ADGRL4: variants seen among roughly 807,000 people sequenced by gnomAD.
ADGRL4 encodes the protein EGF, latrophilin and seven transmembrane domain containing 1.
Under a neutral mutation model 74.8 loss-of-function variants are expected in ADGRL4, and 90 were observed. The ratio of observed to expected loss-of-function variants is 1.20; its 90% CI spans 1.02 to 1.43. The LOEUF (loss-of-function observed/expected upper bound fraction) is 1.43. ADGRL4 is among the 40% of genes most tolerant of loss of function. The pLI is 0.00. For missense variants in ADGRL4, 881 were observed against 814.3 expected, an observed-to-expected ratio of 1.08 and a Z score of -1.00; for synonymous variants, 311 against 279.2, an observed-to-expected ratio of 1.11 and a Z score of -1.14.
At chr1:78,987,080 T>C (rs1650513776) in intron 2 of ADGRL4, among the ~76,000 whole-genome samples, 1 of 151,812 alleles carries the variant, frequency 6.6e-6, no homozygotes, top group Non-Finnish European at 1.5e-5. Flanking sequence ...CAGTCTCAGA[T>C]AATTTTTTTT....
chr1:79,005,069 C>T lies in ADGRL4; in HGVS notation c.172+1G>A. The stretch of plus-strand genomic sequence containing the variant: ...CAAAAGAAGTAACAAAGCTTGTTTA[C>T]CTTCACAAATTGTGACACCATTTCC... On this transcript the variant is annotated splice_donor_variant, in intron 2 of 14. Transcript: ENST00000370742. LOFTEE classifies it high-confidence loss of function. 6.2e-7 allele frequency: 1 copy of T among 1,610,888 alleles called. No individual in the cohort carries two copies. Among genetic ancestry groups the T allele is most frequent in the East Asian group, 2.2e-5 (1 of 44,756 alleles).
chr1:78,976,109 G>C (rs905720080), intron 2 of ADGRL4, among the ~76,000 whole-genome samples: 1 of 151,936 alleles, frequency 6.6e-6, no homozygotes, highest in Non-Finnish European at 1.5e-5. Context: ...TAAGTAAATG[G>C]AGTTAACAGT....
At chr1:78,951,250 T>C (rs1199152217) in intron 2 of ADGRL4, among the ~76,000 whole-genome samples, 1 of 152,194 alleles carries the variant, frequency 6.6e-6, no homozygotes, top group African/African-American at 2.4e-5. Flanking sequence ...TGTTGTCCTT[T>C]GTATCTTCTT....
At chr1:78,929,734 CT>C (rs1189136053) in intron 7 of ADGRL4, among the ~76,000 whole-genome samples, 1 of 151,342 alleles carries the variant, frequency 6.6e-6, no homozygotes. Flanking sequence ...TCTTACTCTC[CT>C]TTACTGACAG....
rs930165076 is a variant in ADGRL4 at position 78,890,524 on chromosome 1, G to C, written c.*630C>G. On this transcript the variant is annotated 3_prime_UTR_variant, in exon 15 of 15. Transcript: ENST00000370742. Reference sequence around the variant, plus strand: ...TTTTTTTTTTAGAATATTAGAAAAAGAAACAGATTTAGCAAACAGAAGTCT... The same window carrying C: ...TTTTTTTTTTAGAATATTAGAAAAACAAACAGATTTAGCAAACAGAAGTCT... 7.2e-6 allele frequency: 1 copy of C among 139,088 alleles called. No individual in the cohort carries two copies. The allele number at this position is 139,088 out of a possible 1,614,324, so 8.6% of individuals were successfully genotyped here.
chr1:78,960,744 A>G (rs1269035637), intron 2 of ADGRL4, among the ~76,000 whole-genome samples: 1 of 152,148 alleles, frequency 6.6e-6, no homozygotes, highest in Non-Finnish European at 1.5e-5. Context: ...TAGTGCCCTT[A>G]CAAAAGAGGC....
chr1:78,987,391 A>G (rs200539347), intron 2 of ADGRL4, among the ~76,000 whole-genome samples: 7,756 of 151,788 alleles, frequency 0.051, 261 homozygotes, highest in African/African-American at 0.098. Flanking sequence ...TTGTAATGTA[A>G]GGTGGGGTAA....
Position 78,946,351 on chromosome 1 carries a change from T to C in ADGRL4, c.248A>G (p.Tyr83Cys), listed in dbSNP as rs1346004898. Residue 83 changes from tyrosine to cysteine, a missense_variant, in exon 3 of 15, where the codon TAT becomes TGT. Tyr to Cys is a radical substitution (Grantham distance 194). Coordinates refer to ENST00000370742, the MANE Select transcript of ADGRL4 (RefSeq NM_022159.4). ...ANCTNTEGSY[Y>C]CMCVPGFRSS... ...TCTGAAGCCAGGTACACACATACAATAATAACTTCCTTCTGTGTTAGTGCA... is the reference window on the plus strand; with the variant it reads ...TCTGAAGCCAGGTACACACATACAACAATAACTTCCTTCTGTGTTAGTGCA... 1.2e-6 allele frequency: 2 copies of C among 1,613,400 alleles called. No individual in the cohort carries two copies. The highest frequency in any genetic ancestry group is 1.7e-6 in the Non-Finnish European group (2 of 1,179,604).
intron 7 of ADGRL4, among the ~76,000 whole-genome samples, chr1:78,928,527 T>G (rs1413512587): frequency 6.6e-6 from 1 of 151,410 alleles, no homozygotes; most frequent in Non-Finnish European, 1.5e-5. Flanking sequence ...TCATCCATTC[T>G]TCCTAATTTT....
At chr1:78,980,731 C>G (rs141950071) in intron 2 of ADGRL4, among the ~76,000 whole-genome samples, 2 of 151,850 alleles carry the variant, frequency 1.3e-5, no homozygotes, top group Admixed American at 1.3e-4. Context: ...AGAGAGGTCA[C>G]GAGGTTCATC....
chr1:79,005,550 G>T (rs1465833108), intron 1 of ADGRL4, among the ~76,000 whole-genome samples: 1 of 152,170 alleles, frequency 6.6e-6, no homozygotes, highest in Non-Finnish European at 1.5e-5. Flanking sequence ...CCTTCATTCT[G>T]AGGTGAGATA....
chr1:78,949,658 G>T (rs534261922), intron 2 of ADGRL4, among the ~76,000 whole-genome samples: 2 of 152,058 alleles, frequency 1.3e-5, no homozygotes, highest in African/African-American at 4.8e-5. Flanking sequence ...CAAGGAGAAA[G>T]TTTCTCTGGA....
chr1:78,925,605 C>A (rs1649094278), intron 8 of ADGRL4, among the ~76,000 whole-genome samples: 2 of 152,036 alleles, frequency 1.3e-5, no homozygotes, highest in Non-Finnish European at 2.9e-5. Flanking sequence ...GCAAGGGAAC[C>A]AGAGACTAAG....
intron 2 of ADGRL4, among the ~76,000 whole-genome samples, chr1:78,986,791 T>G (rs2100730785): frequency 6.6e-6 from 1 of 151,862 alleles, no homozygotes; most frequent in Non-Finnish European, 1.5e-5. Context: ...TAAGAGTAGC[T>G]GGGGTCCTAT....
chr1:78,977,884 G>C (rs559533849), intron 2 of ADGRL4, among the ~76,000 whole-genome samples: 1 of 151,940 alleles, frequency 6.6e-6, no homozygotes, highest in South Asian at 2.1e-4. Context: ...ATGTATGTGT[G>C]GTAGAAATAC....
intron 12 of ADGRL4, among the ~76,000 whole-genome samples, chr1:78,894,570 A>T (rs1648354718): frequency 6.6e-6 from 1 of 151,812 alleles, no homozygotes; most frequent in East Asian, 1.9e-4. Context: ...ATACTCATGA[A>T]ACTGGAATAC....
chr1:78,964,396 G>A (rs1261967194), intron 2 of ADGRL4, among the ~76,000 whole-genome samples: 2 of 152,092 alleles, frequency 1.3e-5, no homozygotes, highest in African/African-American at 2.4e-5. Flanking sequence ...TGTGATCAAA[G>A]TACAAAGCAG....
chr1:78,960,869 T>C (rs541579606), intron 2 of ADGRL4, among the ~76,000 whole-genome samples: 4 of 152,198 alleles, frequency 2.6e-5, no homozygotes, highest in Non-Finnish European at 5.9e-5. Flanking sequence ...CTTTACAGCT[T>C]CTGCAACTGT....
At chr1:78,894,446 G>A (rs1648352379) in intron 12 of ADGRL4, among the ~76,000 whole-genome samples, 1 of 151,660 alleles carries the variant, frequency 6.6e-6, no homozygotes, top group African/African-American at 2.4e-5. Flanking sequence ...CAATTGTAGA[G>A]GTGAGATAAA....
Sources: gnomAD v4.1 joint callset for allele counts (sites outside exome capture counted in the v4.1 genomes callset) on GRCh38, gnomAD v4.1.1 for gene constraint, MANE v1.5 for transcripts, NCBI Gene and HGNC (gene_info 2026-07-23, HGNC 2026-07-21) for gene names.